Variants in GDAP1 observed in about 807,000 individuals in gnomAD.
GDAP1 encodes ganglioside-induced differentiation-associated protein 1.
A neutral mutation model predicts 40.1 loss-of-function variants in GDAP1; 34 were observed. That is an observed-to-expected ratio of 0.85 (90% CI 0.64 to 1.13). The LOEUF is 1.13. Among genes scored for constraint, GDAP1 ranks in the 50% most tolerant of loss-of-function variants. The pLI, the probability that GDAP1 is intolerant of heterozygous loss-of-function variation, is 0.00. For missense variants in GDAP1, 374 were observed against 433.7 expected (o/e 0.86, Z 1.22); for synonymous variants, 170 against 157.4 (o/e 1.08, Z -0.60).
chr8:74,431,836 C>T (rs988743301), intron 2 of GDAP1, among the ~76,000 whole-genome samples: 1 of 152,092 alleles, frequency 6.6e-6, no homozygotes, highest in Non-Finnish European at 1.5e-5. Flanking sequence ...TAGAGTTTAT[C>T]CACCTGGATT....
Position 74,351,365 on chromosome 8 carries a change from G to A in GDAP1, c.209G>A (p.Arg70His). Residue 70 changes from arginine to histidine, a missense_variant, in exon 2 of 6, where the codon CGT (arginine) becomes CAT (histidine). Arg to His is a conservative substitution (Grantham distance 29, BLOSUM62 0). Transcript: ENST00000220822. Reference sequence around the variant, plus strand: ...GAGCACAATGAGCCTTGGTTTATGCGTTTGAACTCAACTGGAGAAGTGCCT... The same window carrying A: ...GAGCACAATGAGCCTTGGTTTATGCATTTGAACTCAACTGGAGAAGTGCCT... ...LSEHNEPWFM[R>H]LNSTGEVPVL... 1.2e-6 allele frequency: 2 copies of A among 1,613,826 alleles called. No homozygotes were observed. The highest frequency in any genetic ancestry group is 1.7e-6 in the Non-Finnish European group (2 of 1,179,674).
chr8:74,401,110 A>C (rs1206271797), intron 2 of GDAP1, among the ~76,000 whole-genome samples: 2 of 149,062 alleles, frequency 1.3e-5, no homozygotes, highest in Non-Finnish European at 2.9e-5. Flanking sequence ...GCCTTGCTAG[A>C]TTGGGGAAGT....
intron 2 of GDAP1, among the ~76,000 whole-genome samples, chr8:74,441,451 G>T (rs1806161789): frequency 1.3e-5 from 2 of 152,090 alleles, no homozygotes; most frequent in Admixed American, 6.6e-5. Flanking sequence ...TGACTGAGGG[G>T]AACATAAAAT....
At chr8:74,472,036 G>T (rs1403456182) in intron 2 of GDAP1, among the ~76,000 whole-genome samples, 1 of 152,006 alleles carries the variant, frequency 6.6e-6, no homozygotes, top group African/African-American at 2.4e-5. Context: ...AGATTATTTT[G>T]TCACCAGGTA....
intron 2 of GDAP1, among the ~76,000 whole-genome samples, chr8:74,442,204 A>C (rs528389377): frequency 6.6e-6 from 1 of 152,330 alleles, no homozygotes; most frequent in South Asian, 2.1e-4. Flanking sequence ...TTTCAGATAC[A>C]TTGGAGACAA....
chr8:74,367,086 A>G (rs1416619534), downstream of GDAP1: 2 of 141,580 alleles, frequency 1.4e-5, no homozygotes, highest in East Asian at 4.0e-4. Context: ...CTAAAGAATA[A>G]CACTGATCTC....
At chr8:74,391,140 C>G (rs562482860) in intron 2 of GDAP1, among the ~76,000 whole-genome samples, 1 of 152,014 alleles carries the variant, frequency 6.6e-6, no homozygotes, top group Non-Finnish European at 1.5e-5. Context: ...TCTGCTGAGC[C>G]AGACCACTTA....
intron 2 of GDAP1, among the ~76,000 whole-genome samples, chr8:74,446,277 G>A (rs1048405589): frequency 9.2e-5 from 14 of 152,056 alleles, no homozygotes; most frequent in African/African-American, 3.4e-4. Context: ...TTCTGAGGGC[G>A]GTGGGACTAG....
intron 2 of GDAP1, among the ~76,000 whole-genome samples, chr8:74,379,689 A>T (rs1163546797): frequency 6.6e-6 from 1 of 152,208 alleles, no homozygotes; most frequent in Non-Finnish European, 1.5e-5. Flanking sequence ...ATCTTAACAT[A>T]GCAGGGATCT....
intron 2 of GDAP1, among the ~76,000 whole-genome samples, chr8:74,434,989 G>A (rs1806071316): frequency 6.6e-6 from 1 of 152,052 alleles, no homozygotes; most frequent in African/African-American, 2.4e-5. Context: ...TCAACCATTT[G>A]TAACTGATCC....
intron 2 of GDAP1, among the ~76,000 whole-genome samples, chr8:74,422,350 TTCCC>T (rs1258297287): frequency 0.028 from 1,340 of 47,588 alleles, 47 homozygotes; most frequent in East Asian, 0.062. Context: ...TCTTTCTTTC[TTCCC>T]TTCCTTCCTT....
At chr8:74,449,860 A>T (rs996610309) in intron 2 of GDAP1, among the ~76,000 whole-genome samples, 1 of 151,800 alleles carries the variant, frequency 6.6e-6, no homozygotes, top group African/African-American at 2.4e-5. Context: ...CAAGAGTTTA[A>T]TTTTAAATAA....
chr8:74,369,813 GGGA>G (rs1157520451), downstream of GDAP1, among the ~76,000 whole-genome samples: 1 of 3,494 alleles, frequency 2.9e-4, no homozygotes, highest in Non-Finnish European at 6.3e-3. Flanking sequence ...CAGTTAGAAG[GGGA>G]AAAAAAAGAT....
intron 2 of GDAP1, among the ~76,000 whole-genome samples, chr8:74,382,160 G>GTCCTA (rs1164806947): frequency 2.6e-5 from 4 of 152,044 alleles, no homozygotes; most frequent in African/African-American, 9.7e-5. Context: ...TGCGCAAATT[G>GTCCTA]TCCTATCTTT....
At position 74,403,071 on chromosome 8, in the gene GDAP1, C is replaced by T. The variant is rs114837906; in HGVS notation, c.165+51750C>T. On this transcript the variant is annotated intron_variant, in intron 2 of 2. Transcript: ENST00000523640. ...GACATTTTCATTACAAACACATACA[C>T]GATAATAGTGCCCAAACAATCTGAT... is the stretch of plus-strand genomic sequence containing the variant. Among the ~76,000 whole-genome samples, 938 of 150,110 alleles carry T rather than the reference C, an allele frequency of 6.2e-3. 102 individuals are homozygous for T. Among genetic ancestry groups the T allele is most frequent in the African/African-American group, 0.022 (870 of 39,488 alleles).
chr8:74,376,866 A>G (rs1021472409), intron 2 of GDAP1: 1 of 152,210 alleles, frequency 6.6e-6, no homozygotes, highest in African/African-American at 2.4e-5. Context: ...CATACAGATC[A>G]ATGGCACAGA....
chr8:74,369,277 G>A (rs1293752980), downstream of GDAP1, among the ~76,000 whole-genome samples: 1 of 152,060 alleles, frequency 6.6e-6, no homozygotes, highest in Non-Finnish European at 1.5e-5. Context: ...TTATAGGACT[G>A]TTGTTGAAAA....
chr8:74,483,098 A>G (rs1806732662), intron 2 of GDAP1, among the ~76,000 whole-genome samples: 1 of 152,168 alleles, frequency 6.6e-6, no homozygotes, highest in Admixed American at 6.5e-5. Context: ...ATCACAATAA[A>G]TGAATGAGAC....
chr8:74,370,461 A>G (rs1809728879), downstream of GDAP1, among the ~76,000 whole-genome samples: 1 of 152,208 alleles, frequency 6.6e-6, no homozygotes, highest in Admixed American at 6.5e-5. Context: ...AAGTAGTGCA[A>G]TTTTGACACT....
Sources: gnomAD v4.1 joint callset for allele counts (sites outside exome capture counted in the v4.1 genomes callset) on GRCh38, gnomAD v4.1.1 for gene constraint, MANE v1.5 for transcripts, NCBI Gene and HGNC (gene_info 2026-07-23, HGNC 2026-07-21) for gene names.